Variants in HAUS7 observed in about 807,000 individuals in gnomAD.
The protein encoded by HAUS7 is HAUS augmin like complex subunit 7.
A neutral mutation model predicts 28.4 loss-of-function variants in HAUS7; 3 were observed. That is an observed-to-expected ratio of 0.11 (90% CI 0.05 to 0.27). The LOEUF is 0.27. HAUS7 is among the 10% of genes least tolerant of loss of function. The pLI, the probability that HAUS7 is intolerant of heterozygous loss-of-function variation, is 1.00. For synonymous variants in HAUS7, 165 were observed against 132.1 expected, an observed-to-expected ratio of 1.25 and a Z score of -1.71; for missense variants, 284 against 297.3, an observed-to-expected ratio of 0.96 and a Z score of 0.33.
At chrX:153,480,760 C>CA in intron 1 of HAUS7, 3 of 755,068 alleles carry the variant, frequency 4.0e-6, no homozygotes, top group Non-Finnish European at 4.7e-6. Flanking sequence ...GAGTCACCCC[C>CA]AGTGACCTTG....
At chrX:153,472,359 C>T (rs2089531444), upstream of HAUS7, among the ~76,000 whole-genome samples, 2 of 111,393 alleles carry the variant, frequency 1.8e-5, no homozygotes, top group South Asian at 7.5e-4. Context: ...CAGCCCTCAG[C>T]CCCTGGAGAT....
intron 2 of HAUS7, among the ~76,000 whole-genome samples, chrX:153,466,627 C>T (rs2089458369): frequency 8.9e-6 from 1 of 112,293 alleles, no homozygotes; most frequent in African/African-American, 3.2e-5. Flanking sequence ...AGGAAAACTC[C>T]CATCCATCTG....
At chrX:153,461,706 G>A (rs879989651) in intron 4 of HAUS7, 1 of 194,354 alleles carries the variant, frequency 5.1e-6, no homozygotes, top group Admixed American at 7.5e-5. Flanking sequence ...ACACCGAGCA[G>A]GGTGGCTAGA....
chrX:153,469,171 C>T lies in HAUS7; in HGVS notation c.199G>A (p.Glu67Lys), dbSNP rs1556984761. The T allele has an allele frequency of 8.5e-7, 1 of 1,173,132 alleles. No individual in the cohort carries two copies. The highest frequency in any genetic ancestry group is 2.2e-5 in the Admixed American group (1 of 46,044). Reference sequence around the variant, plus strand: ...CGGGTACACATCCACTCTAGGATCTCCAAGCGGTACTCTGAGGGGCTGCAC... The same window carrying T: ...CGGGTACACATCCACTCTAGGATCTTCAAGCGGTACTCTGAGGGGCTGCAC... Reference protein sequence around the residue: ...LLCSPSEYRLEILEWMCTRVW... With the variant: ...LLCSPSEYRLKILEWMCTRVW... Residue 67 changes from glutamate to lysine, a missense_variant, in exon 2 of 10, where the codon GAG becomes AAG. By Grantham distance (56) the Glu-to-Lys change is moderately conservative. Transcript: ENST00000370211.
rs782250258 is a variant in HAUS7 at position 153,486,144 on chromosome X, G to A, written c.-589+9230C>T. Reference sequence around the variant, plus strand: ...CACACCTGTGGCCGTCTCCACCCCCGCACCCTGCCAGCACACAGAGGAAGA... The same window carrying A: ...CACACCTGTGGCCGTCTCCACCCCCACACCCTGCCAGCACACAGAGGAAGA... On this transcript the variant is annotated intron_variant, in intron 1 of 5. Transcript: ENST00000370210. 5.4e-3 allele frequency: 4,475 copies of A among 832,291 alleles called. 6 individuals are homozygous for A. The highest frequency in any genetic ancestry group is 6.3e-3 in the Non-Finnish European group (4,096 of 652,405). 68.6% of individuals were successfully genotyped at this position (832,291 alleles called of 1,213,427 possible).
upstream of HAUS7, among the ~76,000 whole-genome samples, chrX:153,473,719 C>T (rs889866196): frequency 8.9e-6 from 1 of 112,607 alleles, no homozygotes; most frequent in Non-Finnish European, 1.9e-5. Context: ...AGGCTCAGGA[C>T]GGTCTGAGTG....
At chrX:153,464,597 A>G (rs1556983971) in intron 3 of HAUS7, among the ~76,000 whole-genome samples, 1 of 112,656 alleles carries the variant, frequency 8.9e-6, no homozygotes, top group Admixed American at 9.3e-5. Context: ...TTTATCCAAC[A>G]TTCATTACCA....
At chrX:153,477,288 G>A (rs1411621537) in intron 1 of HAUS7, among the ~76,000 whole-genome samples, 10 of 113,488 alleles carry the variant, frequency 8.8e-5, no homozygotes, top group Admixed American at 4.6e-4. Context: ...CCTGGGGAGC[G>A]GCGCAAACAG....
chrX:153,465,891 G>C (rs949164652), intron 2 of HAUS7, among the ~76,000 whole-genome samples: 2 of 112,479 alleles, frequency 1.8e-5, no homozygotes, highest in Non-Finnish European at 3.8e-5. Flanking sequence ...TGGGGCCACA[G>C]GCTCTTACCC....
chrX:153,474,000 G>C (rs2089545894), upstream of HAUS7, among the ~76,000 whole-genome samples: 1 of 112,380 alleles, frequency 8.9e-6, no homozygotes. Flanking sequence ...CCTTGCAGAT[G>C]GGGGAAGGGA....
rs1007264742 is a variant in HAUS7 at position 153,466,381 on chromosome X, G to T, written c.225-1326C>A. On this transcript the variant is annotated intron_variant, in intron 2 of 9. Transcript: ENST00000370211. ...GGGCTGTCACTCAAGTCACCGCACC[G>T]TCACAGCAGAGGGCAGAGCAGGAAC... Among the ~76,000 whole-genome samples, 3 of 112,272 alleles carry T rather than the reference G, an allele frequency of 2.7e-5. No homozygotes were observed. The Admixed American group carries it at 2.8e-4, about 11-fold the overall frequency.
chrX:153,480,048 G>A (rs143427691), intron 1 of HAUS7, among the ~76,000 whole-genome samples: 105 of 112,043 alleles, frequency 9.4e-4, no homozygotes, highest in African/African-American at 3.3e-3. Flanking sequence ...GTGCCAGGTC[G>A]CAGCGACCCC....
At chrX:153,479,235 C>T (rs2124171380) in intron 1 of HAUS7, 1 of 556,349 alleles carries the variant, frequency 1.8e-6, no homozygotes, top group African/African-American at 2.5e-5. Flanking sequence ...CCGTGCCTCT[C>T]CCAGCTCTCC....
intron 1 of HAUS7, among the ~76,000 whole-genome samples, chrX:153,488,361 G>A (rs782327058): frequency 2.5e-4 from 28 of 113,079 alleles, no homozygotes; most frequent in Non-Finnish European, 4.1e-4. Flanking sequence ...AGGGCACAGG[G>A]TGTCCGCTGC....
At chrX:153,482,034 G>A (rs2089603639) in intron 1 of HAUS7, 1 of 355,070 alleles carries the variant, frequency 2.8e-6, no homozygotes, top group Non-Finnish European at 3.7e-6. Flanking sequence ...GCTGCTTAGG[G>A]GGTAAGGCCT....
intron 9 of HAUS7, among the ~76,000 whole-genome samples, chrX:153,450,808 T>C (rs1440072085): frequency 1.8e-5 from 2 of 111,937 alleles, no homozygotes; most frequent in Non-Finnish European, 3.8e-5. Context: ...TGCAGATCGC[T>C]GGGAGGTGAA....
At chrX:153,465,758 G>A (rs782375341) in intron 2 of HAUS7, among the ~76,000 whole-genome samples, 2 of 112,046 alleles carry the variant, frequency 1.8e-5, no homozygotes, top group African/African-American at 3.2e-5. Context: ...GTGACACACG[G>A]CTCAGCCCTC....
At chrX:153,451,291 A>G (rs1467524852) in intron 9 of HAUS7, among the ~76,000 whole-genome samples, 1 of 112,889 alleles carries the variant, frequency 8.9e-6, no homozygotes, top group African/African-American at 3.2e-5. Context: ...GAGATGGCAC[A>G]CTGTTGCGAA....
intron 1 of HAUS7, among the ~76,000 whole-genome samples, chrX:153,479,783 C>A (rs181563572): frequency 0.011 from 1,195 of 111,369 alleles, 22 homozygotes; most frequent in African/African-American, 0.037. Context: ...CACTTGGTGG[C>A]CCTGCCCCAG....
Sources: gnomAD v4.1 joint callset for allele counts (sites outside exome capture counted in the v4.1 genomes callset) on GRCh38, gnomAD v4.1.1 for gene constraint, MANE v1.5 for transcripts, NCBI Gene and HGNC (gene_info 2026-07-23, HGNC 2026-07-21) for gene names.